Variants in OTULIN observed in about 807,000 individuals in gnomAD.
OTULIN encodes OTU deubiquitinase with linear linkage specificity.
OTULIN carries 15 observed loss-of-function variants against 39.6 expected under a neutral mutation model. The ratio of observed to expected loss-of-function variants is 0.38; its 90% CI spans 0.25 to 0.58. OTULIN has a LOEUF of 0.58. OTULIN is among the 20% of genes least tolerant of loss of function. The probability of loss-of-function intolerance (pLI) is 0.66; values close to 1 mark genes in which losing one functional copy is unlikely to be tolerated. For missense variants in OTULIN, 319 were observed against 445.9 expected (o/e 0.72, Z 2.56); for synonymous variants, 156 against 170.3 (o/e 0.92, Z 0.65).
the OTULIN span, among the ~76,000 whole-genome samples, chr5:14,714,554 T>G: frequency 6.6e-6 from 1 of 152,206 alleles, no homozygotes; most frequent in African/African-American, 2.4e-5. Flanking sequence ...TATGCTGGTT[T>G]GGAAGGAAGT....
In OTULIN at chr5:14,696,444, T is replaced by G. The variant is rs961733077; in HGVS notation, c.*3396T>G. 10 of 152,238 alleles carry G rather than the reference T, an allele frequency of 6.6e-5. No homozygotes were observed. Among genetic ancestry groups the G allele is most frequent in the African/African-American group, 2.4e-4 (10 of 41,466 alleles). 9.4% of individuals were successfully genotyped at this position (152,238 alleles called of 1,614,324 possible). ...AAAAGAAATGCATTTATGTAAGATC[T>G]GTGAGTACTTAAAAAGAAAGCCCTC... On this transcript the variant is annotated 3_prime_UTR_variant, in exon 7 of 7. Transcript: ENST00000284274.
chr5:14,708,524 G>C, the OTULIN span: 3 of 152,208 alleles, frequency 2.0e-5, no homozygotes, highest in Non-Finnish European at 1.5e-5. Context: ...AAGTGGGAAG[G>C]AGAAAGGTCA....
the OTULIN span, chr5:14,713,689 T>C: frequency 6.2e-7 from 1 of 1,612,798 alleles, no homozygotes; most frequent in Non-Finnish European, 8.5e-7. The surrounding 1 kb of genome is among the most constrained non-coding windows in gnomAD (Gnocchi z 4.4). Flanking sequence ...AGCAAAGGAC[T>C]CGTCAGCCGT....
intron 2 of OTULIN, among the ~76,000 whole-genome samples, chr5:14,675,064 T>C (rs152973): frequency 0.042 from 6,452 of 152,316 alleles, 183 homozygotes; most frequent in Admixed American, 0.083. Flanking sequence ...TTTTTCTTGC[T>C]TTAATTTTAG....
chr5:14,714,425 G>A, the OTULIN span, among the ~76,000 whole-genome samples: 9 of 152,244 alleles, frequency 5.9e-5, no homozygotes, highest in East Asian at 5.8e-4. Context: ...GCTTGAGGAC[G>A]CGCAGGGCAG....
chr5:14,690,133 A>G lies in OTULIN; in HGVS notation c.689A>G (p.Glu230Gly). ...GAGGCGGAGGAATATAGCCTCTATGAAGCTGTAAAATTTCTAATGCTAAAC... is the reference window on the plus strand; with the variant it reads ...GAGGCGGAGGAATATAGCCTCTATGGAGCTGTAAAATTTCTAATGCTAAAC... ...TNEAEEYSLY[E>G]AVKFLMLNRA... is the part of the protein sequence containing the mutation. The change falls in exon 6 of 7, where the codon GAA (glutamate) becomes GGA (glycine). Residue 230 changes from glutamate (E) to glycine (G), a missense_variant. By Grantham distance (98) the Glu-to-Gly change is moderately conservative. Coordinates refer to ENST00000284274, the MANE Select transcript of OTULIN (RefSeq NM_138348.6). The surrounding 1 kb of genome is among the most constrained non-coding windows in gnomAD (Gnocchi z 4.5). The G allele has an allele frequency of 6.2e-7, 1 of 1,614,142 alleles. No individual in the cohort carries two copies. Among genetic ancestry groups the G allele is most frequent in the Non-Finnish European group, 8.5e-7 (1 of 1,179,986 alleles).
At chr5:14,709,284 C>G in the OTULIN span, 1 of 128,244 alleles carries the variant, frequency 7.8e-6, no homozygotes, top group African/African-American at 2.7e-5. Flanking sequence ...TAGTAATGTC[C>G]TTTAAAAAAA....
At chr5:14,683,067 G>A (rs181279824) in intron 4 of OTULIN, among the ~76,000 whole-genome samples, 1 of 152,292 alleles carries the variant, frequency 6.6e-6, no homozygotes, top group African/African-American at 2.4e-5. Context: ...CTCCCCATCT[G>A]TTCCATGATT....
At chr5:14,665,321 G>A (rs1232052560) in intron 1 of OTULIN, among the ~76,000 whole-genome samples, 1 of 152,172 alleles carries the variant, frequency 6.6e-6, no homozygotes, top group East Asian at 1.9e-4. Flanking sequence ...CTTCAGCCTG[G>A]CACAGGGAGG....
chr5:14,701,818 T>C (rs1294338374), downstream of OTULIN, among the ~76,000 whole-genome samples: 2 of 152,098 alleles, frequency 1.3e-5, no homozygotes, highest in African/African-American at 4.8e-5. Context: ...CCCACCCGTG[T>C]TAAGTGTCAG....
downstream of OTULIN, among the ~76,000 whole-genome samples, chr5:14,702,299 C>T (rs946391354): frequency 3.3e-5 from 5 of 152,074 alleles, no homozygotes; most frequent in East Asian, 1.9e-4. Flanking sequence ...CAGCCCTTCT[C>T]GGCCCCTGGG....
chr5:14,671,377 A>T (rs1242042621), intron 1 of OTULIN, among the ~76,000 whole-genome samples: 1 of 152,212 alleles, frequency 6.6e-6, no homozygotes, highest in Non-Finnish European at 1.5e-5. Flanking sequence ...CATTTTGAAG[A>T]TGAGAAAACT....
At chr5:14,709,883 A>G in the OTULIN span, 4 of 152,680 alleles carry the variant, frequency 2.6e-5, no homozygotes, top group Non-Finnish European at 1.5e-5. Context: ...AATAAATTAC[A>G]TAACATATAC....
chr5:14,665,924 G>A (rs1560989186), intron 1 of OTULIN, among the ~76,000 whole-genome samples: 1 of 152,184 alleles, frequency 6.6e-6, no homozygotes, highest in Non-Finnish European at 1.5e-5. Flanking sequence ...TGGGTTAATG[G>A]CCACTGGAAA....
At chr5:14,667,073 A>G (rs543574968) in intron 1 of OTULIN, among the ~76,000 whole-genome samples, 39 of 152,322 alleles carry the variant, frequency 2.6e-4, no homozygotes, top group Non-Finnish European at 5.3e-4. Flanking sequence ...GGAATTATTT[A>G]AAATGTTTAC....
At position 14,665,000 on chromosome 5, in the gene OTULIN, C is replaced by T. The variant is rs1200821716; in HGVS notation, c.152+23C>T. 8 of 1,041,838 alleles carry T rather than the reference C, an allele frequency of 7.7e-6. No individual in the cohort carries two copies. The East Asian group carries it at 4.1e-4, about 54-fold the overall frequency. The allele number at this position is 1,041,838 out of a possible 1,614,324, so 64.5% of individuals were successfully genotyped here. On this transcript the variant is annotated intron_variant, in intron 1 of 6. Coordinates refer to ENST00000284274, the MANE Select transcript of OTULIN (RefSeq NM_138348.6). ...GCAGTGAGTCCGCGGGGGCGCGGGG[C>T]GCGGGCCGTGGGCGGCGGGCTCGGT... is the stretch of plus-strand genomic sequence containing the variant.
chr5:14,680,984 C>T (rs187008891), intron 3 of OTULIN, among the ~76,000 whole-genome samples: 3 of 152,214 alleles, frequency 2.0e-5, no homozygotes, highest in Non-Finnish European at 2.9e-5. Context: ...TGCTTGAACC[C>T]GGGAGGCCGA....
At chr5:14,673,338 T>G (rs1736024796) in intron 1 of OTULIN, among the ~76,000 whole-genome samples, 1 of 152,206 alleles carries the variant, frequency 6.6e-6, no homozygotes, top group African/African-American at 2.4e-5. Context: ...CTATGATGTC[T>G]AGATATATAG....
intron 3 of OTULIN, among the ~76,000 whole-genome samples, chr5:14,679,448 A>C (rs916988188): frequency 2.0e-5 from 3 of 152,232 alleles, no homozygotes; most frequent in Non-Finnish European, 4.4e-5. Context: ...AATTGCTCAA[A>C]AACAGTCAAA....
Sources: allele counts gnomAD v4.1 joint callset (sites outside exome capture counted in the v4.1 genomes callset), GRCh38; gene constraint gnomAD v4.1.1; non-coding constraint Gnocchi (gnomAD v3.1); transcripts MANE v1.5; gene names NCBI Gene and HGNC (gene_info 2026-07-23, HGNC 2026-07-21).